The following GLIS3 variants were observed in gnomAD, a reference collection of about 807,000 sequenced individuals.
GLIS3 encodes GLIS family zinc finger 3.
GLIS3 carries 53 observed loss-of-function variants against 78.6 expected under a neutral mutation model. The ratio of observed to expected loss-of-function variants is 0.67; its 90% CI spans 0.54 to 0.85. The LOEUF (loss-of-function observed/expected upper bound fraction) is 0.85. Ranked by LOEUF, GLIS3 falls within the 40% of genes least tolerant of loss-of-function variation. The pLI, the probability that GLIS3 is intolerant of heterozygous loss-of-function variation, is 0.00. For synonymous variants in GLIS3, 684 were observed against 509.9 expected, an observed-to-expected ratio of 1.34 and a Z score of -4.60; for missense variants, 1,703 against 1,231.1, an observed-to-expected ratio of 1.38 and a Z score of -5.74.
At chr9:3,836,246 T>C (rs1818344193) in intron 9 of GLIS3, among the ~76,000 whole-genome samples, 1 of 152,216 alleles carries the variant, frequency 6.6e-6, no homozygotes. Context: ...GAGGCAGAAT[T>C]GGCAGCCCCT....
chr9:4,406,361 C>G, the GLIS3 span, among the ~76,000 whole-genome samples: 1 of 152,146 alleles, frequency 6.6e-6, no homozygotes, highest in Non-Finnish European at 1.5e-5. Context: ...TCTCTTGTTG[C>G]CTGGGCTGGA....
intron 9 of GLIS3, among the ~76,000 whole-genome samples, chr9:3,835,865 T>C (rs1818319242): frequency 6.6e-6 from 1 of 152,254 alleles, no homozygotes; most frequent in South Asian, 2.1e-4. Flanking sequence ...GTTGGGGATA[T>C]AGTGGTAAAT....
chr9:4,464,456 A>G, the GLIS3 span, among the ~76,000 whole-genome samples: 238 of 151,926 alleles, frequency 1.6e-3, 1 homozygote, highest in Middle Eastern at 0.01. Context: ...GTGCAGTGGC[A>G]CAATCTCAGT....
intron 4 of GLIS3, among the ~76,000 whole-genome samples, chr9:3,995,870 AGT>A (rs1820703486): frequency 6.6e-6 from 1 of 152,174 alleles, no homozygotes; most frequent in African/African-American, 2.4e-5. Flanking sequence ...GTGATAATAC[AGT>A]GATGGAGGAA....
At chr9:4,281,326 T>G (rs1327859079) in intron 2 of GLIS3, among the ~76,000 whole-genome samples, 1 of 152,150 alleles carries the variant, frequency 6.6e-6, no homozygotes, top group Non-Finnish European at 1.5e-5. Flanking sequence ...AAGTATACAG[T>G]TCGGTGGCAT....
At chr9:4,117,149 T>G (rs1305274003) in intron 4 of GLIS3, among the ~76,000 whole-genome samples, 1 of 152,180 alleles carries the variant, frequency 6.6e-6, no homozygotes, top group Non-Finnish European at 1.5e-5. Context: ...CAAAATTACC[T>G]CTTAAAATTA....
At chr9:4,065,907 G>A (rs1225025675) in intron 4 of GLIS3, among the ~76,000 whole-genome samples, 1 of 151,992 alleles carries the variant, frequency 6.6e-6, no homozygotes, top group Non-Finnish European at 1.5e-5. Context: ...TTAAATATAA[G>A]ATTAAAACAA....
At chr9:3,965,459 G>T (rs1029265454) in intron 4 of GLIS3, among the ~76,000 whole-genome samples, 1 of 152,110 alleles carries the variant, frequency 6.6e-6, no homozygotes, top group African/African-American at 2.4e-5. Flanking sequence ...CTCCCAAAGC[G>T]CTGGGATTAC....
chr9:4,357,843 G>C, the GLIS3 span, among the ~76,000 whole-genome samples: 1 of 152,276 alleles, frequency 6.6e-6, no homozygotes, highest in Admixed American at 6.5e-5. Context: ...CATTCCCATT[G>C]AATCTGTGTC....
At chr9:4,393,524 T>A in the GLIS3 span, among the ~76,000 whole-genome samples, 1 of 152,210 alleles carries the variant, frequency 6.6e-6, no homozygotes, top group African/African-American at 2.4e-5. Flanking sequence ...CAGCCCAAGA[T>A]CTAATCCCGT....
chr9:4,253,414 A>G (rs1824586152), intron 2 of GLIS3, among the ~76,000 whole-genome samples: 1 of 152,184 alleles, frequency 6.6e-6, no homozygotes, highest in Non-Finnish European at 1.5e-5. Flanking sequence ...CTATGAGGGG[A>G]AAACCACCTA....
chr9:4,371,688 C>G, the GLIS3 span, among the ~76,000 whole-genome samples: 1 of 152,140 alleles, frequency 6.6e-6, no homozygotes, highest in Non-Finnish European at 1.5e-5. Context: ...TCACTACTCA[C>G]TACTCCATTG....
chr9:4,124,030 T>C (rs893488945), intron 3 of GLIS3, among the ~76,000 whole-genome samples: 1 of 152,182 alleles, frequency 6.6e-6, no homozygotes, highest in Non-Finnish European at 1.5e-5. Flanking sequence ...CAGTAAAATG[T>C]TGAACTTTGC....
rs503488 is a variant in GLIS3, at chr9:4,013,253, C to T, written c.1711-76064G>A. On this transcript the variant is annotated intron_variant, in intron 4 of 10. Transcript: ENST00000381971. ...AAGAGCCACTACAGACGTTAAGCAG[C>T]TTAAAGACTTACGTGACAGACTTTT... is the stretch of plus-strand genomic sequence containing the variant. 3.2e-3 allele frequency among the ~76,000 whole-genome samples: 488 copies of T among 152,264 alleles called. 4 individuals carry two copies. The highest frequency in any genetic ancestry group is 0.012 in the African/African-American group (481 of 41,548).
intron 4 of GLIS3, among the ~76,000 whole-genome samples, chr9:4,107,022 A>C (rs2130825720): frequency 6.6e-6 from 1 of 152,296 alleles, no homozygotes; most frequent in South Asian, 2.1e-4. Context: ...AATAAGAAAA[A>C]AAATGGTTGG....
At chr9:4,065,891 G>A (rs192922883) in intron 4 of GLIS3, among the ~76,000 whole-genome samples, 43 of 152,130 alleles carry the variant, frequency 2.8e-4, no homozygotes, top group African/African-American at 7.5e-4. Context: ...TAAGAAGACC[G>A]TAATTTTAAA....
At chr9:4,049,582 C>T (rs2130456795) in intron 4 of GLIS3, among the ~76,000 whole-genome samples, 1 of 152,248 alleles carries the variant, frequency 6.6e-6, no homozygotes, top group South Asian at 2.1e-4. Flanking sequence ...ATCCCCACCT[C>T]CAACACACTT....
rs532359204 is a variant in GLIS3, at chr9:4,329,657, G to C, written n.264+17424C>G. 7.9e-5 allele frequency among the ~76,000 whole-genome samples: 12 copies of C among 152,204 alleles called. 2 individuals are homozygous for C. The highest frequency in any genetic ancestry group is 2.6e-4 in the African/African-American group (11 of 41,526). ...AAAGGATCACAGCATTCCAGGATGA[G>C]AGAGAAATTTAAAATTCATCTAGTC... On this transcript the variant is annotated intron_variant and non_coding_transcript_variant, in intron 2 of 4. Coordinates refer to the GLIS3 transcript ENST00000471664.
Position 4,200,458 on chromosome 9 carries a change from G to C in GLIS3, c.389-74517C>G, listed in dbSNP as rs12336721. Reference sequence around the variant, plus strand: ...GAGAAGATCCAAATAAGCACAATCAGAAATGATAAACGCAACATTACAACC... The same window carrying C: ...GAGAAGATCCAAATAAGCACAATCACAAATGATAAACGCAACATTACAACC... On this transcript the variant is annotated intron_variant, in intron 2 of 10. Coordinates refer to ENST00000381971, the MANE Select transcript of GLIS3 (RefSeq NM_001042413.2). Among the ~76,000 whole-genome samples, 859 of 152,152 alleles carry C rather than the reference G, an allele frequency of 5.6e-3. 8 individuals carry two copies. The highest frequency in any genetic ancestry group is 0.019 in the African/African-American group (807 of 41,532).
Sources: gnomAD v4.1 joint callset for allele counts (sites outside exome capture counted in the v4.1 genomes callset) on GRCh38, gnomAD v4.1.1 for gene constraint, MANE v1.5 for transcripts, NCBI Gene and HGNC (gene_info 2026-07-23, HGNC 2026-07-21) for gene names.